Variants in PTPRD observed in about 807,000 individuals in gnomAD.
The protein encoded by PTPRD is protein tyrosine phosphatase receptor type D.
A neutral mutation model predicts 214.5 loss-of-function variants in PTPRD; 34 were observed. The ratio of observed to expected loss-of-function variants is 0.16; its 90% CI spans 0.12 to 0.21. The LOEUF (loss-of-function observed/expected upper bound fraction) is 0.21, where lower values mean the gene tolerates loss of function less well. Ranked by LOEUF, PTPRD falls within the 10% of genes least tolerant of loss-of-function variation. PTPRD has a pLI of 1.00. For missense variants in PTPRD, 2,545 were observed against 2,398.7 expected, an observed-to-expected ratio of 1.06 and a Z score of -1.27; for synonymous variants, 1,128 against 845.7, an observed-to-expected ratio of 1.33 and a Z score of -5.79.
chr9:9,678,942 G>C (rs1305122231), intron 7 of PTPRD, among the ~76,000 whole-genome samples: 1 of 151,748 alleles, frequency 6.6e-6, no homozygotes. Flanking sequence ...AGTCCACCTT[G>C]TGGGAAAATA....
chr9:9,034,513 T>C (rs2099615448), intron 10 of PTPRD, among the ~76,000 whole-genome samples: 1 of 152,292 alleles, frequency 6.6e-6, no homozygotes, highest in East Asian at 1.9e-4. Context: ...GTTAAGTGCA[T>C]TGTAAACATG....
rs1563873199 is a variant in PTPRD, at chr9:8,500,913, C to A, written c.1969G>T (p.Asp657Tyr). ...IKYTAVDGED[D>Y]KPHEILGIPS... ...ATTCCCAAAATCTCGTGAGGCTTGT[C>A]ATCTTCCCCATCCACTGCAGTGTAC... Residue 657 changes from aspartate to tyrosine, a missense_variant, in exon 24 of 46, where the codon GAC becomes TAC. By Grantham distance (160) the Asp-to-Tyr change is radical. Transcript: ENST00000381196. 1 of 1,614,102 alleles carries A rather than the reference C, an allele frequency of 6.2e-7. No homozygotes were observed. The highest frequency in any genetic ancestry group is 8.5e-7 in the Non-Finnish European group (1 of 1,180,004).
intron 8 of PTPRD, among the ~76,000 whole-genome samples, chr9:9,423,936 A>T (rs2079821442): frequency 6.6e-6 from 1 of 152,226 alleles, no homozygotes; most frequent in South Asian, 2.1e-4. Flanking sequence ...AGCAGAGTGG[A>T]TTCTATAATG....
At chr9:9,231,063 G>A (rs778725022) in intron 9 of PTPRD, among the ~76,000 whole-genome samples, 1 of 151,868 alleles carries the variant, frequency 6.6e-6, no homozygotes, top group Non-Finnish European at 1.5e-5. Context: ...CGGGGGGAGG[G>A]GGGAATGGGT....
chr9:9,514,360 A>G (rs2096783443), intron 8 of PTPRD, among the ~76,000 whole-genome samples: 3 of 152,080 alleles, frequency 2.0e-5, no homozygotes, highest in Admixed American at 2.0e-4. Context: ...CTGGATAGTT[A>G]TAGTGGTCCT....
At chr9:9,679,068 A>G (rs2097001975) in intron 7 of PTPRD, among the ~76,000 whole-genome samples, 1 of 151,606 alleles carries the variant, frequency 6.6e-6, no homozygotes, top group Non-Finnish European at 1.5e-5. Context: ...TTAGGGAGTC[A>G]AAATTTCAAA....
chr9:8,713,990 A>G, intron 12 of PTPRD: 2 of 603,458 alleles, frequency 3.3e-6, no homozygotes, highest in South Asian at 4.0e-5. Flanking sequence ...ACTCAATTTC[A>G]GGCTTTGAAT....
At chr9:9,671,761 T>A (rs1773508211) in intron 7 of PTPRD, among the ~76,000 whole-genome samples, 1 of 152,150 alleles carries the variant, frequency 6.6e-6, no homozygotes, top group Admixed American at 6.5e-5. Context: ...GAAGTGCCTT[T>A]CACCTCCCGC....
At chr9:10,572,387 G>C (rs769611466) in intron 2 of PTPRD, among the ~76,000 whole-genome samples, 2 of 152,232 alleles carry the variant, frequency 1.3e-5, no homozygotes, top group Admixed American at 6.5e-5. Flanking sequence ...GTGCAGTATT[G>C]TTAAGTCATT....
chr9:9,456,336 G>T (rs906627778), intron 8 of PTPRD, among the ~76,000 whole-genome samples: 1 of 151,556 alleles, frequency 6.6e-6, no homozygotes, highest in East Asian at 1.9e-4. Context: ...TATTGATTAG[G>T]AATAAAAAAA....
rs1327804241 is a variant in PTPRD, at chr9:9,318,759, T to C, written c.-203+78690A>G. Among the ~76,000 whole-genome samples, 6 of 152,284 alleles carry C rather than the reference T, an allele frequency of 3.9e-5. No homozygotes were observed. In the South Asian group the frequency reaches 1.0e-3, roughly 26 times the overall value. On this transcript the variant is annotated intron_variant, in intron 9 of 45. Transcript: ENST00000381196. ...CTACTTTTAATCTAATCTACTTTTA[T>C]CATAATATAATATTATGGACAGCAG... is the stretch of plus-strand genomic sequence containing the variant.
At chr9:10,440,155 T>C (rs1477322897) in intron 2 of PTPRD, among the ~76,000 whole-genome samples, 1 of 151,612 alleles carries the variant, frequency 6.6e-6, no homozygotes, top group Non-Finnish European at 1.5e-5. Flanking sequence ...TCTGGCAATA[T>C]AATAAATGTA....
At chr9:9,185,808 C>T (rs1462292824) in intron 9 of PTPRD, among the ~76,000 whole-genome samples, 10 of 151,706 alleles carry the variant, frequency 6.6e-5, no homozygotes, top group Admixed American at 3.3e-4. Context: ...GGCAAACATG[C>T]GTTGGATTTA....
chr9:9,536,996 C>CTATG (rs2076654365), intron 8 of PTPRD, among the ~76,000 whole-genome samples: 1 of 151,856 alleles, frequency 6.6e-6, no homozygotes, highest in East Asian at 1.9e-4. Flanking sequence ...ATTGCAGTAC[C>CTATG]TATGGTTCAA....
chr9:9,825,125 T>C (rs981003509), intron 5 of PTPRD, among the ~76,000 whole-genome samples: 1 of 152,004 alleles, frequency 6.6e-6, no homozygotes, highest in African/African-American at 2.4e-5. Flanking sequence ...ATTTATTTGA[T>C]GAAATACTTT....
At chr9:8,866,952 G>A (rs575896346) in intron 11 of PTPRD, among the ~76,000 whole-genome samples, 37 of 152,244 alleles carry the variant, frequency 2.4e-4, no homozygotes, top group African/African-American at 8.2e-4. Flanking sequence ...AATTGGAGTG[G>A]CAAAATGTTA....
intron 12 of PTPRD, among the ~76,000 whole-genome samples, chr9:8,672,166 T>G (rs562067922): frequency 6.6e-6 from 1 of 152,340 alleles, no homozygotes; most frequent in South Asian, 2.1e-4. Context: ...AATAAAACCT[T>G]TGATGTAACC....
chr9:8,974,069 A>G (rs1489553956), intron 11 of PTPRD, among the ~76,000 whole-genome samples: 1 of 151,958 alleles, frequency 6.6e-6, no homozygotes, highest in African/African-American at 2.4e-5. Flanking sequence ...CCATTTGCCA[A>G]CTTTTGTTTT....
intron 12 of PTPRD, among the ~76,000 whole-genome samples, chr9:8,724,794 C>T (rs759566150): frequency 2.0e-5 from 3 of 151,856 alleles, no homozygotes; most frequent in African/African-American, 7.3e-5. Flanking sequence ...AAAAATTAGC[C>T]GGACGTGACG....
Sources: gnomAD v4.1 joint callset for allele counts (sites outside exome capture counted in the v4.1 genomes callset) on GRCh38, gnomAD v4.1.1 for gene constraint, MANE v1.5 for transcripts, NCBI Gene and HGNC (gene_info 2026-07-23, HGNC 2026-07-21) for gene names.